Variants in PCNX1 observed in about 807,000 individuals in gnomAD.
The protein encoded by PCNX1 is pecanex 1.
Under a neutral mutation model 242.2 loss-of-function variants are expected in PCNX1, and 78 were observed. The observed-to-expected ratio is 0.32, with a 90% CI of 0.27 to 0.39. The LOEUF (loss-of-function observed/expected upper bound fraction) is 0.39, where lower values mean the gene tolerates loss of function less well. Among genes scored for constraint, PCNX1 ranks in the 10% least tolerant of loss-of-function variants. The pLI is 1.00. For missense variants in PCNX1, 2,581 were observed against 2,856.5 expected (o/e 0.90, Z 2.20); for synonymous variants, 1,024 against 1,032.9 (o/e 0.99, Z 0.17).
At chr14:70,988,160 A>G (rs1433353288) in intron 6 of PCNX1, among the ~76,000 whole-genome samples, 1 of 152,192 alleles carries the variant, frequency 6.6e-6, no homozygotes, top group Non-Finnish European at 1.5e-5. Flanking sequence ...AATATAAGAA[A>G]CTAATGTCCT....
Position 70,947,120 on chromosome 14 carries a change from C to T in PCNX1, c.359C>T (p.Pro120Leu), listed in dbSNP as rs141783102. Residue 120 changes from proline (P) to leucine (L), a missense_variant, in exon 2 of 36, where the codon CCG becomes CTG. Pro to Leu is a moderately conservative substitution (Grantham distance 98). Coordinates refer to ENST00000304743, the MANE Select transcript of PCNX1 (RefSeq NM_014982.3). Reference sequence around the variant, plus strand: ...ACCAGGAGAAAAGACAGCAATGGACCGAGGTAAGGAAACCTATGTCATTGA... The same window carrying T: ...ACCAGGAGAAAAGACAGCAATGGACTGAGGTAAGGAAACCTATGTCATTGA... ...CSTRRKDSNGPSDPGGGIEMS... is the reference protein window; with the variant it reads ...CSTRRKDSNGLSDPGGGIEMS... 329 of 1,601,950 alleles carry T rather than the reference C, an allele frequency of 2.1e-4. No individual in the cohort carries two copies. The highest frequency in any genetic ancestry group is 5.0e-4 in the Middle Eastern group (3 of 6,046).
At chr14:71,026,012 T>A in intron 13 of PCNX1, 105 bp from the exon 14 acceptor site, 1 of 579,180 alleles carries the variant, frequency 1.7e-6, no homozygotes, top group East Asian at 3.0e-5. Flanking sequence ...CTGGCTTCCA[T>A]ATGGAAAAAG....
intron 6 of PCNX1, among the ~76,000 whole-genome samples, chr14:70,983,290 C>T (rs1233863262): frequency 6.6e-6 from 1 of 151,996 alleles, no homozygotes; most frequent in South Asian, 2.1e-4. Context: ...TTATCTTTAA[C>T]GCAAAGCTCA....
At chr14:71,086,941 G>T (rs540196805) in intron 28 of PCNX1, among the ~76,000 whole-genome samples, 127 of 152,186 alleles carry the variant, frequency 8.3e-4, no homozygotes, top group African/African-American at 2.9e-3. Flanking sequence ...TCAGCTAGGG[G>T]GGTAAATATG....
At chr14:71,061,960 GT>G (rs1475559610) in intron 26 of PCNX1, among the ~76,000 whole-genome samples, 2 of 151,982 alleles carry the variant, frequency 1.3e-5, no homozygotes, top group Non-Finnish European at 1.5e-5. Flanking sequence ...ACAGTGAAGG[GT>G]TTTAGCAGAA....
intron 7 of PCNX1, among the ~76,000 whole-genome samples, chr14:70,990,212 GC>G (rs1327449589): frequency 1.3e-5 from 2 of 151,910 alleles, no homozygotes; most frequent in Non-Finnish European, 2.9e-5. Flanking sequence ...TCTGGGGGCT[GC>G]CCAGTTCACA....
chr14:71,058,687 G>A (rs1480911983), intron 26 of PCNX1, among the ~76,000 whole-genome samples: 2 of 152,210 alleles, frequency 1.3e-5, no homozygotes, highest in Non-Finnish European at 2.9e-5. Context: ...GCTATGTAGT[G>A]TCTATGTTAG....
chr14:71,003,744 A>C (rs143517668), intron 8 of PCNX1, among the ~76,000 whole-genome samples: 105 of 152,346 alleles, frequency 6.9e-4, no homozygotes, highest in African/African-American at 2.5e-3. Flanking sequence ...TCAGATAGCC[A>C]TGTCAGTAAA....
At chr14:71,103,243 T>G in intron 31 of PCNX1, 152 bp from the exon 32 acceptor site, 1 of 789,620 alleles carries the variant, frequency 1.3e-6, no homozygotes, top group Non-Finnish European at 2.1e-6. Context: ...ATTGGCTACC[T>G]CCTATTTAAA....
intron 7 of PCNX1, among the ~76,000 whole-genome samples, chr14:70,989,616 G>A (rs2059102091): frequency 1.4e-5 from 2 of 139,242 alleles, no homozygotes; most frequent in South Asian, 2.3e-4. Flanking sequence ...TGCAACCTCC[G>A]CCTCCCAAGT....
chr14:71,035,967 C>A (rs1041743102), intron 18 of PCNX1, 98 bp from the exon 19 acceptor site: 22 of 770,408 alleles, frequency 2.9e-5, no homozygotes, highest in Admixed American at 1.1e-4. Context: ...GCTAGCCAGG[C>A]AAAAAATTAA....
At position 71,028,692 on chromosome 14, in the gene PCNX1, C is replaced by T. The variant is rs1286853692; in HGVS notation, c.3467-8C>T. The T allele has an allele frequency of 3.2e-6, 5 of 1,555,496 alleles. No individual in the cohort carries two copies. The highest frequency in any genetic ancestry group is 4.4e-6 in the Non-Finnish European group (5 of 1,143,398). ...AAATGTTTCTTACCTTTTCCTTTTC[C>T]TGTCTAGCCACTACAAGCCTGCTTG... is the stretch of plus-strand genomic sequence containing the variant. On this transcript the variant is annotated splice_polypyrimidine_tract_variant and splice_region_variant and intron_variant, in intron 15 of 35. Coordinates refer to ENST00000304743, the MANE Select transcript of PCNX1 (RefSeq NM_014982.3).
At chr14:70,939,557 T>A (rs577496913) in intron 1 of PCNX1, among the ~76,000 whole-genome samples, 11 of 152,322 alleles carry the variant, frequency 7.2e-5, no homozygotes, top group Admixed American at 5.9e-4. Context: ...TCCAACTGTG[T>A]CGTCAGTTTT....
chr14:70,950,025 G>A (rs2057714400), intron 2 of PCNX1, among the ~76,000 whole-genome samples: 1 of 152,054 alleles, frequency 6.6e-6, no homozygotes, highest in Admixed American at 6.6e-5. Flanking sequence ...AGAAAAAGTG[G>A]GCACTCCTCT....
rs565803958 is a variant in PCNX1 at position 71,025,781 on chromosome 14, A to G, written c.3184-336A>G. On this transcript the variant is annotated intron_variant, in intron 13 of 35. Coordinates refer to ENST00000304743, the MANE Select transcript of PCNX1 (RefSeq NM_014982.3). Reference sequence around the variant, plus strand: ...CTACTTGGAAGGCTGAGGCAGGAGGATCACTTGAGCTCAGGAGGCTGAGGC... The same window carrying G: ...CTACTTGGAAGGCTGAGGCAGGAGGGTCACTTGAGCTCAGGAGGCTGAGGC... Among the ~76,000 whole-genome samples the G allele has an allele frequency of 2.0e-5, 3 of 152,164 alleles. 1 individual carries two copies. Among genetic ancestry groups the G allele is most frequent in the African/African-American group, 7.2e-5 (3 of 41,496 alleles).
chr14:71,075,241 C>T (rs1335316357), intron 27 of PCNX1, among the ~76,000 whole-genome samples: 1 of 152,120 alleles, frequency 6.6e-6, no homozygotes, highest in Non-Finnish European at 1.5e-5. Context: ...TTCTCCCACA[C>T]TGGCCTCCCA....
chr14:71,055,612 T>C, intron 25 of PCNX1, 50 bp downstream of exon 25: 2 of 1,105,064 alleles, frequency 1.8e-6, no homozygotes, highest in Admixed American at 1.9e-5. Context: ...ATTTGTTTTA[T>C]ATATATATGT....
intron 30 of PCNX1, among the ~76,000 whole-genome samples, chr14:71,091,850 G>A (rs564441479): frequency 3.3e-5 from 5 of 152,280 alleles, no homozygotes; most frequent in African/African-American, 1.2e-4. Context: ...TGCTATTGCA[G>A]TGAGCTCAAA....
chr14:70,984,297 T>C (rs2058931907), intron 6 of PCNX1, among the ~76,000 whole-genome samples: 1 of 151,536 alleles, frequency 6.6e-6, no homozygotes, highest in South Asian at 2.1e-4. Context: ...GAAATTGAGC[T>C]ACTGCAAGAT....
Sources: gnomAD v4.1 joint callset for allele counts (sites outside exome capture counted in the v4.1 genomes callset) on GRCh38, gnomAD v4.1.1 for gene constraint, MANE v1.5 for transcripts, NCBI Gene and HGNC (gene_info 2026-07-23, HGNC 2026-07-21) for gene names.